Variants in PRKN observed in about 807,000 individuals in gnomAD.
PRKN encodes the protein parkin RBR E3 ubiquitin protein ligase, also known as E3 ubiquitin-protein ligase parkin.
In PRKN, 56 loss-of-function variants were observed where a neutral mutation model predicts 59.5. That is an observed-to-expected ratio of 0.94 (90% CI 0.76 to 1.18). PRKN has a LOEUF of 1.18. PRKN is among the 50% of genes most tolerant of loss of function. The probability of loss-of-function intolerance (pLI) is 0.00; values close to 1 mark genes in which losing one functional copy is unlikely to be tolerated. For missense variants in PRKN, 657 were observed against 596.4 expected (o/e 1.10, Z -1.06); for synonymous variants, 250 against 222.1 (o/e 1.13, Z -1.12).
Position 161,428,954 on chromosome 6 carries a change from C to G in PRKN, c.1084-42077G>C, listed in dbSNP as rs1043158623. ...CTGATGGCCAGGCATACATTCCTGC[C>G]CTAAGACTGGAAGGCTGGCAGACCA... On this transcript the variant is annotated intron_variant, in intron 9 of 11. Coordinates refer to ENST00000366898, the MANE Select transcript of PRKN (RefSeq NM_004562.3). The surrounding 1 kb of genome is among the most constrained non-coding windows in gnomAD (Gnocchi z 4.0). Among the ~76,000 whole-genome samples the G allele has an allele frequency of 6.6e-6, 1 of 152,140 alleles. No individual in the cohort carries two copies. Among genetic ancestry groups the G allele is most frequent in the African/African-American group, 2.4e-5 (1 of 41,420 alleles).
chr6:162,632,677 T>A (rs892500322), intron 1 of PRKN, among the ~76,000 whole-genome samples: 1 of 151,846 alleles, frequency 6.6e-6, no homozygotes, highest in Non-Finnish European at 1.5e-5. Flanking sequence ...ATTAAAAAAA[T>A]AAATAAAAAG....
chr6:162,237,139 G>C (rs1227829155), intron 3 of PRKN, among the ~76,000 whole-genome samples: 1 of 151,946 alleles, frequency 6.6e-6, no homozygotes, highest in African/African-American at 2.4e-5. Flanking sequence ...AATGAGAAAT[G>C]CTTTTTACGA....
At chr6:161,669,871 A>C (rs1359188520) in intron 7 of PRKN, among the ~76,000 whole-genome samples, 1 of 152,230 alleles carries the variant, frequency 6.6e-6, no homozygotes, top group Non-Finnish European at 1.5e-5. Context: ...GCTGGAAAGC[A>C]GCAGCAGTGG....
At chr6:161,531,804 G>C (rs1298145086) in intron 9 of PRKN, among the ~76,000 whole-genome samples, 1 of 152,170 alleles carries the variant, frequency 6.6e-6, no homozygotes, top group Non-Finnish European at 1.5e-5. Context: ...TGGATTACCT[G>C]CGTCTATTAT....
At chr6:161,613,421 T>G (rs1306599042) in intron 7 of PRKN, among the ~76,000 whole-genome samples, 1 of 152,146 alleles carries the variant, frequency 6.6e-6, no homozygotes, top group African/African-American at 2.4e-5. Context: ...GGAACATTGT[T>G]GAAATGACAA....
intron 10 of PRKN, among the ~76,000 whole-genome samples, chr6:161,368,877 A>G (rs1006304201): frequency 2.6e-5 from 4 of 152,054 alleles, no homozygotes; most frequent in African/African-American, 7.2e-5. Context: ...TGCACCTAAC[A>G]TGTGGGAAAG....
At chr6:161,520,219 T>G (rs1420849321) in intron 9 of PRKN, among the ~76,000 whole-genome samples, 1 of 125,060 alleles carries the variant, frequency 8.0e-6, no homozygotes, top group Non-Finnish European at 1.7e-5. Flanking sequence ...CTCAAATCTC[T>G]CTATGCATTT....
At chr6:161,614,959 AAGACAG>A (rs1326627184) in intron 7 of PRKN, among the ~76,000 whole-genome samples, 1 of 93,564 alleles carries the variant, frequency 1.1e-5, no homozygotes, top group Non-Finnish European at 2.0e-5. Context: ...CTGGGAGAGG[AAGACAG>A]AGAGAGAGAG....
rs1026034251 is a variant in PRKN at position 162,201,192 on chromosome 6, T to C, written c.473A>G (p.Gln158Arg). The change falls in exon 4 of 12, where the codon CAG becomes CGG. Residue 158 changes from glutamine (Q) to arginine (R), a missense_variant. Coordinates refer to ENST00000366898, the MANE Select transcript of PRKN (RefSeq NM_004562.3). ...GCACTGTACCCTGAGTTTTCCCGGCTGCACTCTTTGACAGGGGCCTTTGCA... is the reference window on the plus strand; with the variant it reads ...GCACTGTACCCTGAGTTTTCCCGGCCGCACTCTTTGACAGGGGCCTTTGCA... ...VYCKGPCQRV[Q>R]PGKLRVQCST... 6.2e-7 allele frequency: 1 copy of C among 1,614,086 alleles called. No homozygotes were observed. The highest frequency in any genetic ancestry group is 1.3e-5 in the African/African-American group (1 of 75,022).
At chr6:162,617,654 A>G (rs1051636235) in intron 1 of PRKN, among the ~76,000 whole-genome samples, 2 of 152,146 alleles carry the variant, frequency 1.3e-5, no homozygotes, top group Admixed American at 6.6e-5. Flanking sequence ...CTCTGCTTCT[A>G]TGATTTCAGC....
chr6:162,131,183 G>A (rs79164985), intron 4 of PRKN, among the ~76,000 whole-genome samples: 1,630 of 152,202 alleles, frequency 0.011, 17 homozygotes, highest in African/African-American at 0.038. Flanking sequence ...GACTGAGAAT[G>A]CATCAGATGC....
At chr6:162,345,883 G>A (rs1028050506) in intron 2 of PRKN, among the ~76,000 whole-genome samples, 1 of 152,056 alleles carries the variant, frequency 6.6e-6, no homozygotes, top group Non-Finnish European at 1.5e-5. Flanking sequence ...CCCCAAATTC[G>A]TATGTTGATG....
intron 4 of PRKN, among the ~76,000 whole-genome samples, chr6:162,190,940 A>G (rs1784251513): frequency 6.6e-6 from 1 of 152,178 alleles, no homozygotes; most frequent in Non-Finnish European, 1.5e-5. Flanking sequence ...CAAACGGATA[A>G]TATGTCAGTT....
At chr6:162,553,542 C>CAAAAAA (rs57807120) in intron 1 of PRKN, among the ~76,000 whole-genome samples, 5 of 114,540 alleles carry the variant, frequency 4.4e-5, no homozygotes, top group Non-Finnish European at 7.3e-5. Context: ...TGTTTACTAC[C>CAAAAAA]AAAAAAAAAA....
At chr6:162,405,595 T>C (rs1788016723) in intron 2 of PRKN, among the ~76,000 whole-genome samples, 1 of 152,134 alleles carries the variant, frequency 6.6e-6, no homozygotes, top group South Asian at 2.1e-4. Flanking sequence ...TCAGAATGTT[T>C]TGGGGGACAC....
intron 5 of PRKN, among the ~76,000 whole-genome samples, chr6:162,006,873 G>A (rs1267132621): frequency 6.6e-6 from 1 of 152,040 alleles, no homozygotes; most frequent in Admixed American, 6.6e-5. Context: ...ATGAACCCCA[G>A]AATATAAGCT....
chr6:161,585,198 A>C (rs908420891), intron 7 of PRKN, among the ~76,000 whole-genome samples: 4 of 152,212 alleles, frequency 2.6e-5, no homozygotes, highest in Non-Finnish European at 5.9e-5. Flanking sequence ...GGGCACCATT[A>C]AATGCTTACT....
intron 6 of PRKN, among the ~76,000 whole-genome samples, chr6:161,796,489 G>A (rs746911599): frequency 8.5e-5 from 13 of 152,144 alleles, no homozygotes; most frequent in Non-Finnish European, 1.6e-4. Context: ...ATTGTAAATA[G>A]TGGATAAATC....
intron 9 of PRKN, among the ~76,000 whole-genome samples, chr6:161,486,898 G>C (rs559030390): frequency 6.6e-6 from 1 of 152,118 alleles, no homozygotes; most frequent in East Asian, 1.9e-4. Flanking sequence ...AACTTGCTTT[G>C]TGCTAGCAGG....
Sources: allele counts gnomAD v4.1 joint callset (sites outside exome capture counted in the v4.1 genomes callset), GRCh38; gene constraint gnomAD v4.1.1; non-coding constraint Gnocchi (gnomAD v3.1); transcripts MANE v1.5; gene names NCBI Gene and HGNC (gene_info 2026-07-23, HGNC 2026-07-21).